The following RYR3 variants were observed in gnomAD, a reference collection of about 807,000 sequenced individuals.
RYR3 encodes the protein ryanodine receptor 3.
Under a neutral mutation model 584.3 loss-of-function variants are expected in RYR3, and 207 were observed. That is an observed-to-expected ratio of 0.35 (90% CI 0.32 to 0.40). The LOEUF (loss-of-function observed/expected upper bound fraction) is 0.40, where lower values mean the gene tolerates loss of function less well. Ranked by LOEUF, RYR3 falls within the 10% of genes least tolerant of loss-of-function variation. The pLI is 1.00. For synonymous variants in RYR3, 2,416 were observed against 2,248.5 expected (o/e 1.07, Z -2.11); for missense variants, 5,616 against 6,089.2 (o/e 0.92, Z 2.59).
intron 102 of RYR3, among the ~76,000 whole-genome samples, chr15:33,863,465 C>T (rs1889262325): frequency 6.6e-6 from 1 of 152,158 alleles, no homozygotes; most frequent in African/African-American, 2.4e-5. Flanking sequence ...ATATCACCAA[C>T]TTCACAATCC....
intron 1 of RYR3, among the ~76,000 whole-genome samples, chr15:33,464,274 C>T (rs2048268517): frequency 2.6e-5 from 4 of 151,668 alleles, no homozygotes; most frequent in South Asian, 2.1e-4. Context: ...TTTGAGCAGA[C>T]ACCTAAAGGA....
chr15:33,464,487 T>TAG (rs1567295589), intron 1 of RYR3, among the ~76,000 whole-genome samples: 2 of 84,712 alleles, frequency 2.4e-5, no homozygotes, highest in Admixed American at 1.1e-4. Flanking sequence ...TATATATATA[T>TAG]ATACACATAT....
At chr15:33,819,055 G>A (rs896902506) in intron 76 of RYR3, among the ~76,000 whole-genome samples, 3 of 151,470 alleles carry the variant, frequency 2.0e-5, no homozygotes, top group Admixed American at 6.6e-5. Context: ...CCCGGGAGGC[G>A]GAGGTTGCAG....
At chr15:33,669,860 G>GTT (rs2063729239) in intron 37 of RYR3, among the ~76,000 whole-genome samples, 1 of 34,110 alleles carries the variant, frequency 2.9e-5, no homozygotes, top group African/African-American at 1.1e-4. Context: ...GGGGGGGGGT[G>GTT]TGGGTGTGTG....
intron 7 of RYR3, 135 bp downstream of exon 7, chr15:33,541,025 G>T: frequency 6.7e-6 from 4 of 593,354 alleles, no homozygotes; most frequent in Non-Finnish European, 1.2e-5. Context: ...GCTCACTTGA[G>T]TTTCTTTCTC....
chr15:33,416,687 A>G (rs986133387), intron 1 of RYR3, among the ~76,000 whole-genome samples: 4 of 152,122 alleles, frequency 2.6e-5, no homozygotes, highest in Admixed American at 2.6e-4. Flanking sequence ...GAAGCTCTTT[A>G]GCTTACTTAG....
chr15:33,584,952 C>G lies in RYR3; in HGVS notation c.1669+462C>G, dbSNP rs566297232. 2.4e-4 allele frequency among the ~76,000 whole-genome samples: 36 copies of G among 152,184 alleles called. 1 individual carries two copies. The South Asian group carries it at 6.9e-3, about 29-fold the overall frequency. On this transcript the variant is annotated intron_variant, in intron 15 of 103. Transcript: ENST00000634891. ...AATGATCCCCACTCACCCTCTCTCC[C>G]GTGACTCACCCTTCACATCATATCT... is the stretch of plus-strand genomic sequence containing the variant.
At position 33,865,184 on chromosome 15, in the gene RYR3, C is replaced by G; in HGVS notation, c.14571C>G (p.Ala4857=). 1 of 1,613,972 alleles carries G rather than the reference C, an allele frequency of 6.2e-7. No homozygotes were observed. The highest frequency in any genetic ancestry group is 8.5e-7 in the Non-Finnish European group (1 of 1,179,886). ...YQERCWDFFP[A]GDCFRKQYED... ...AAAGGTGTTGGGATTTCTTCCCAGC[C>G]GGTGACTGCTTTCGTAAACAATATG... The change falls in exon 104 of 104, where the codon GCC becomes GCG. Residue 4857 remains alanine (A), a synonymous_variant. Transcript: ENST00000634891.
chr15:33,386,517 G>A (rs2676055), intron 1 of RYR3, among the ~76,000 whole-genome samples: 115,889 of 152,168 alleles, frequency 0.76, 44,252 homozygotes, highest in Non-Finnish European at 0.79. Flanking sequence ...TAATGCCCCA[G>A]TACTTCTGCT....
intron 10 of RYR3, among the ~76,000 whole-genome samples, chr15:33,551,926 G>A (rs1228022928): frequency 1.3e-5 from 2 of 152,202 alleles, no homozygotes; most frequent in Non-Finnish European, 2.9e-5. Context: ...AGTGGGAGCT[G>A]AAGGTGGGCG....
intron 1 of RYR3, among the ~76,000 whole-genome samples, chr15:33,322,751 C>G (rs1165741073): frequency 6.6e-6 from 1 of 151,946 alleles, no homozygotes; most frequent in Non-Finnish European, 1.5e-5. Context: ...TCCTAGTTCT[C>G]TCTTATTGTC....
intron 66 of RYR3, among the ~76,000 whole-genome samples, chr15:33,787,649 C>A (rs1272861494): frequency 6.6e-6 from 1 of 152,094 alleles, no homozygotes; most frequent in Non-Finnish European, 1.5e-5. Flanking sequence ...TAATTGATAC[C>A]AGACTTATAT....
intron 1 of RYR3, among the ~76,000 whole-genome samples, chr15:33,389,816 C>T (rs1314798827): frequency 2.6e-5 from 4 of 152,140 alleles, no homozygotes; most frequent in African/African-American, 9.7e-5. Flanking sequence ...ACTGCTTTTT[C>T]AAGGATGCAG....
At chr15:33,841,195 C>T (rs1307176581) in intron 90 of RYR3, among the ~76,000 whole-genome samples, 1 of 151,972 alleles carries the variant, frequency 6.6e-6, no homozygotes, top group African/African-American at 2.4e-5. Context: ...CCAAGCTGGG[C>T]AGCAGAGCAA....
At chr15:33,640,571 A>AT (rs1056003419) in intron 27 of RYR3, among the ~76,000 whole-genome samples, 15 of 152,000 alleles carry the variant, frequency 9.9e-5, no homozygotes, top group Non-Finnish European at 1.5e-4. Flanking sequence ...TGTCCTTTGG[A>AT]TTTTTGAGAG....
chr15:33,530,691 C>G (rs1176120587), intron 4 of RYR3, 25 bp downstream of exon 4: 6 of 1,580,590 alleles, frequency 3.8e-6, no homozygotes, highest in East Asian at 4.5e-5. Context: ...TGCCCACTTT[C>G]ATCATTCAAG....
At position 33,670,456 on chromosome 15, in the gene RYR3, C is replaced by A. The variant is rs1372401398; in HGVS notation, c.5760C>A (p.Asp1920Glu). 2 of 1,613,356 alleles carry A rather than the reference C, an allele frequency of 1.2e-6. No homozygotes were observed. The highest frequency in any genetic ancestry group is 3.3e-5 in the Admixed American group (2 of 59,952). Residue 1920 changes from aspartate (D) to glutamate (E), a missense_variant, in exon 38 of 104, where the codon GAC (aspartate) becomes GAA (glutamate). Physicochemically the swap from Asp to Glu is conservative, Grantham distance 45. Coordinates refer to ENST00000634891, the MANE Select transcript of RYR3 (RefSeq NM_001036.6). ...PLEEEEEEEE[D>E]TSWTGKLCAL... The stretch of plus-strand genomic sequence containing the variant: ...AAGAAGAGGAAGAGGAGGAGGAGGA[C>A]ACCTCCTGGACAGGAAAACTCTGTG...
intron 67 of RYR3, among the ~76,000 whole-genome samples, chr15:33,791,423 G>A (rs371738377): frequency 6.6e-6 from 1 of 152,014 alleles, no homozygotes; most frequent in East Asian, 1.9e-4. Context: ...GAGGTCTTTT[G>A]GGGTCCTTTT....
intron 64 of RYR3, among the ~76,000 whole-genome samples, chr15:33,778,437 A>G (rs910850576): frequency 2.0e-5 from 3 of 152,190 alleles, no homozygotes; most frequent in Admixed American, 6.5e-5. Flanking sequence ...TGTATTTGAT[A>G]TGTAGAGGCA....
Sources: gnomAD v4.1 joint callset for allele counts (sites outside exome capture counted in the v4.1 genomes callset) on GRCh38, gnomAD v4.1.1 for gene constraint, MANE v1.5 for transcripts, NCBI Gene and HGNC (gene_info 2026-07-23, HGNC 2026-07-21) for gene names.